The following KIAA0930 variants were observed in gnomAD, a reference collection of about 807,000 sequenced individuals.
The protein encoded by KIAA0930 is uncharacterized protein KIAA0930.
Under a neutral mutation model 43.9 loss-of-function variants are expected in KIAA0930, and 24 were observed. That is an observed-to-expected ratio of 0.55 (90% CI 0.40 to 0.77). The LOEUF (loss-of-function observed/expected upper bound fraction) is 0.77. Among genes scored for constraint, KIAA0930 ranks in the 30% least tolerant of loss-of-function variants. The pLI is 0.00. For missense variants in KIAA0930, 461 were observed against 574.2 expected, an observed-to-expected ratio of 0.80 and a Z score of 2.02; for synonymous variants, 259 against 216.4, an observed-to-expected ratio of 1.20 and a Z score of -1.73.
rs1569069279 is a variant in KIAA0930, at chr22:45,196,875, C to G, written c.*301G>C. ...GGGCATCAGCTGCTCCTTCCGCTCT[C>G]TCTCATGGCCGCTCGGCATCTCTAG... is the stretch of plus-strand genomic sequence containing the variant. On this transcript the variant is annotated 3_prime_UTR_variant, in exon 10 of 10. Transcript: ENST00000336156. This position sits in a 1 kb window ranked among gnomAD's most constrained non-coding sequence, Gnocchi z 4.1. 1 of 394,990 alleles carries G rather than the reference C, an allele frequency of 2.5e-6. No homozygotes were observed. The highest frequency in any genetic ancestry group is 4.5e-6 in the Non-Finnish European group (1 of 220,786). The allele number at this position is 394,990 out of a possible 1,614,324, so 24.5% of individuals were successfully genotyped here.
At chr22:45,204,480 A>G (rs558780278) in intron 5 of KIAA0930, among the ~76,000 whole-genome samples, 2 of 152,284 alleles carry the variant, frequency 1.3e-5, no homozygotes, top group South Asian at 4.1e-4. Flanking sequence ...CTCCGAGGCC[A>G]CAAAGACTTA....
chr22:45,198,050 G>T, intron 8 of KIAA0930, 102 bp from the exon 9 acceptor site: 1 of 1,192,998 alleles, frequency 8.4e-7, no homozygotes, highest in Non-Finnish European at 1.2e-6. Flanking sequence ...CTCTGCTGAG[G>T]CCAGGACGCT....
In KIAA0930 at chr22:45,203,915, T is replaced by G. The variant is rs146929404; in HGVS notation, c.587A>C (p.Asn196Thr). Residue 196 changes from asparagine (N) to threonine (T), a missense_variant, in exon 6 of 10, where the codon AAC becomes ACC. Physicochemically the swap from Asn to Thr is moderately conservative, Grantham distance 65 (BLOSUM62 0). Coordinates refer to ENST00000336156, the MANE Select transcript of KIAA0930 (RefSeq NM_001009880.2). ...CTGAAAGATGACCCCCTGGAACGTG[T>G]TGGTTTTGTCACTAGCCACCAGCTC... is the stretch of plus-strand genomic sequence containing the variant. ...CVELVASDKT[N>T]TFQGVIFQGS... The G allele has an allele frequency of 6.2e-6, 10 of 1,613,996 alleles. No homozygotes were observed. The highest frequency in any genetic ancestry group is 8.5e-6 in the Non-Finnish European group (10 of 1,179,958).
chr22:45,197,017 G>C lies in KIAA0930; in HGVS notation c.*159C>G. The C allele has an allele frequency of 1.7e-6, 1 of 596,310 alleles. No homozygotes were observed. Among genetic ancestry groups the C allele is most frequent in the Non-Finnish European group, 2.9e-6 (1 of 346,144 alleles). 36.9% of individuals were successfully genotyped at this position (596,310 alleles called of 1,614,324 possible). ...GGCACTTCAGTTTGGGCTGGTGTTC[G>C]TGGAGTCGGCCCCGGCCCCGGGAGT... On this transcript the variant is annotated 3_prime_UTR_variant, in exon 10 of 10. Transcript: ENST00000336156.
intron 1 of KIAA0930, chr22:45,212,473 T>G: frequency 1.4e-6 from 2 of 1,444,384 alleles, no homozygotes; most frequent in East Asian, 2.5e-5. Context: ...CCGGGAAGGC[T>G]TGGCTGGGGG....
At position 45,228,821 on chromosome 22, in the gene KIAA0930, CG is replaced by C. The variant is rs1267131592; in HGVS notation, c.64+11818del. ...CACCTGAGAGATCCCTCTCCACCCCCGCCATCACCACTCACCCGAAAGATCC... is the reference window on the plus strand; with the variant it reads ...CACCTGAGAGATCCCTCTCCACCCCCCCATCACCACTCACCCGAAAGATCC... On this transcript the variant is annotated intron_variant, in intron 1 of 9. Coordinates refer to ENST00000336156, the MANE Select transcript of KIAA0930 (RefSeq NM_001009880.2). Among the ~76,000 whole-genome samples, 189 of 101,478 alleles carry C rather than the reference CG, an allele frequency of 1.9e-3. 1 individual carries two copies. Among genetic ancestry groups the C allele is most frequent in the Non-Finnish European group, 2.2e-3 (113 of 50,714 alleles). 66.6% of individuals were successfully genotyped at this position (101,478 alleles called of 152,430 possible).
chr22:45,197,350 G>T, intron 9 of KIAA0930, 134 bp from the exon 10 acceptor site: 1 of 749,434 alleles, frequency 1.3e-6, no homozygotes, highest in Non-Finnish European at 2.2e-6. Flanking sequence ...CTCACAGACT[G>T]CAGAGGAGAC....
chr22:45,205,292 G>T lies in KIAA0930; in HGVS notation c.441C>A (p.His147Gln). 1 of 1,614,100 alleles carries T rather than the reference G, an allele frequency of 6.2e-7. No homozygotes were observed. The highest frequency in any genetic ancestry group is 8.5e-7 in the Non-Finnish European group (1 of 1,179,962). ...ACTCCTCCCCCTTGCTGTCCATGGGGTGTTTACTGGGGGACGCGAACACTT... is the reference window on the plus strand; with the variant it reads ...ACTCCTCCCCCTTGCTGTCCATGGGTTGTTTACTGGGGGACGCGAACACTT... Reference protein sequence around the residue: ...SQQVFASPSKHPMDSKGEESK... With the variant: ...SQQVFASPSKQPMDSKGEESK... Residue 147 changes from histidine to glutamine, a missense_variant, in exon 5 of 10, where the codon CAC becomes CAA. His to Gln is a conservative substitution (Grantham distance 24, BLOSUM62 0). Transcript: ENST00000336156.
chr22:45,201,182 A>G (rs1325676454), intron 7 of KIAA0930, among the ~76,000 whole-genome samples: 2 of 152,232 alleles, frequency 1.3e-5, no homozygotes, highest in Non-Finnish European at 2.9e-5. Flanking sequence ...GATAAAAGAA[A>G]CAAACAGCAG....
intron 8 of KIAA0930, among the ~76,000 whole-genome samples, chr22:45,198,248 T>C (rs187402771): frequency 6.6e-6 from 1 of 152,288 alleles, no homozygotes; most frequent in Non-Finnish European, 1.5e-5. Context: ...GCACACACAC[T>C]GTGTAATTCT....
Position 45,193,999 on chromosome 22 carries a change from C to T in KIAA0930, c.*3177G>A, listed in dbSNP as rs1019593316. 6.6e-6 allele frequency: 1 copy of T among 150,654 alleles called. No individual in the cohort carries two copies. The highest frequency in any genetic ancestry group is 2.4e-5 in the African/African-American group (1 of 40,874). The allele number at this position is 150,654 out of a possible 1,614,324, so 9.3% of individuals were successfully genotyped here. A position where few individuals can be genotyped will look rare whatever the true frequency, so the allele number is the denominator to read the frequency against. On this transcript the variant is annotated 3_prime_UTR_variant, in exon 10 of 10. Transcript: ENST00000336156. ...AGAAAGCTGTGCTTCAATCCCAAATCCCCTTGAGACCAACATGCCTTAAAG... is the reference window on the plus strand; with the variant it reads ...AGAAAGCTGTGCTTCAATCCCAAATTCCCTTGAGACCAACATGCCTTAAAG...
rs567559976 is a variant in KIAA0930, at chr22:45,199,421, T to A, written c.1015+452A>T. Among the ~76,000 whole-genome samples, 13 of 152,284 alleles carry A rather than the reference T, an allele frequency of 8.5e-5. No individual in the cohort carries two copies. In the South Asian group the frequency reaches 2.7e-3, roughly 32 times the overall value. On this transcript the variant is annotated intron_variant, in intron 8 of 9. Coordinates refer to ENST00000336156, the MANE Select transcript of KIAA0930 (RefSeq NM_001009880.2). ...TGTGTCACCAAAGAGCACGTGGTTC[T>A]GGGAGGCTGCACAGAGCCAGGAGGG...
chr22:45,202,399 T>C (rs78538621), intron 7 of KIAA0930, among the ~76,000 whole-genome samples: 20,769 of 152,286 alleles, frequency 0.14, 1,634 homozygotes, highest in Non-Finnish European at 0.18. Flanking sequence ...CCAAGAGACC[T>C]TGTGACCTGG....
chr22:45,201,409 C>A (rs2083587734), intron 7 of KIAA0930, among the ~76,000 whole-genome samples: 1 of 152,190 alleles, frequency 6.6e-6, no homozygotes. Flanking sequence ...GCCACTCCCG[C>A]TGGACAGATG....
rs187175405 is a variant in KIAA0930 at position 45,193,325 on chromosome 22, G to C, written c.*3851C>G. The C allele has an allele frequency of 5.9e-5, 9 of 152,244 alleles. No homozygotes were observed. In the East Asian group the frequency reaches 1.7e-3, roughly 29 times the overall value. 9.4% of individuals were successfully genotyped at this position (152,244 alleles called of 1,614,324 possible). A position where few individuals can be genotyped will look rare whatever the true frequency, so the allele number is the denominator to read the frequency against. ...GCAGATGTTTCGTATGTCTTTAAAG[G>C]ATTTTGGCCAACAACTTAAAACCAC... On this transcript the variant is annotated 3_prime_UTR_variant, in exon 10 of 10. Coordinates refer to ENST00000336156, the MANE Select transcript of KIAA0930 (RefSeq NM_001009880.2).
At chr22:45,212,167 G>A in intron 1 of KIAA0930, 60 bp from the exon 2 acceptor site, 1 of 1,613,550 alleles carries the variant, frequency 6.2e-7, no homozygotes, top group Non-Finnish European at 8.5e-7. Context: ...TTGCAGCATG[G>A]CCTTGGCCAA....
intron 1 of KIAA0930, among the ~76,000 whole-genome samples, chr22:45,237,860 G>A (rs1346166380): frequency 6.6e-6 from 1 of 151,910 alleles, no homozygotes; most frequent in Non-Finnish European, 1.5e-5. Context: ...TCCACTCTGG[G>A]CATCAAGTTC....
At chr22:45,203,773 T>TG in intron 6 of KIAA0930, 72 bp downstream of exon 6, 1 of 1,543,248 alleles carries the variant, frequency 6.5e-7, no homozygotes, top group Non-Finnish European at 8.8e-7. Context: ...CCCCATGGTA[T>TG]GGACCACGGT....
chr22:45,238,887 T>G (rs2147770846), intron 1 of KIAA0930, among the ~76,000 whole-genome samples: 1 of 151,886 alleles, frequency 6.6e-6, no homozygotes, highest in Non-Finnish European at 1.5e-5. Context: ...TCTCTCTCTC[T>G]CTCTCTCTCT....
Sources: gnomAD v4.1 joint callset for allele counts (sites outside exome capture counted in the v4.1 genomes callset) on GRCh38, gnomAD v4.1.1 for gene constraint, Gnocchi (gnomAD v3.1) non-coding constraint, MANE v1.5 for transcripts, NCBI Gene and HGNC (gene_info 2026-07-23, HGNC 2026-07-21) for gene names.